The following MAF variants were observed in gnomAD, a reference collection of about 807,000 sequenced individuals.
The protein encoded by MAF is transcription factor Maf.
In MAF, 10 loss-of-function variants were observed where a neutral mutation model predicts 22.0. That is an observed-to-expected ratio of 0.45 (90% CI 0.28 to 0.77). The LOEUF is 0.77. Ranked by LOEUF, MAF falls within the 30% of genes least tolerant of loss-of-function variation. The probability of loss-of-function intolerance (pLI) is 0.12; values close to 1 mark genes in which losing one functional copy is unlikely to be tolerated. For synonymous variants in MAF, 337 were observed against 255.8 expected (o/e 1.32, Z -3.03); for missense variants, 544 against 548.4 (o/e 0.99, Z 0.08).
At chr16:79,236,042 G>T in the MAF span, among the ~76,000 whole-genome samples, 3 of 152,002 alleles carry the variant, frequency 2.0e-5, no homozygotes, top group African/African-American at 7.2e-5. Context: ...TCAGCCAGAG[G>T]CTGAAACCCT....
the MAF span, among the ~76,000 whole-genome samples, chr16:79,345,782 A>G: frequency 2.7e-5 from 4 of 147,706 alleles, no homozygotes; most frequent in Non-Finnish European, 6.0e-5. Flanking sequence ...TAATGTCTCT[A>G]TAGTATTCCA....
chr16:79,376,064 C>T, the MAF span, among the ~76,000 whole-genome samples: 2 of 151,402 alleles, frequency 1.3e-5, no homozygotes, highest in African/African-American at 4.9e-5. Context: ...ATTGACATTG[C>T]CTGGGAGAAC....
At chr16:79,437,447 G>A in the MAF span, among the ~76,000 whole-genome samples, 655 of 152,200 alleles carry the variant, frequency 4.3e-3, 2 homozygotes, top group Non-Finnish European at 3.9e-3. Flanking sequence ...TGCTTGAAAT[G>A]CTTCAAGAAT....
the MAF span, among the ~76,000 whole-genome samples, chr16:79,461,525 C>T: frequency 1.3e-5 from 2 of 152,144 alleles, no homozygotes; most frequent in Non-Finnish European, 2.9e-5. Context: ...GCCAAAAAGG[C>T]TCTTTGTCAT....
the MAF span, among the ~76,000 whole-genome samples, chr16:79,356,529 T>C: frequency 6.6e-6 from 1 of 152,212 alleles, no homozygotes; most frequent in Non-Finnish European, 1.5e-5. Flanking sequence ...CTCACATTTC[T>C]GCAGCCTGGA....
At chr16:79,538,120 A>G in the MAF span, among the ~76,000 whole-genome samples, 19,532 of 152,244 alleles carry the variant, frequency 0.13, 1,350 homozygotes, top group South Asian at 0.18. Context: ...TTCAAAAACA[A>G]TTTTGAAAAA....
chr16:79,207,508 A>G, the MAF span, among the ~76,000 whole-genome samples: 1 of 152,230 alleles, frequency 6.6e-6, no homozygotes, highest in African/African-American at 2.4e-5. Flanking sequence ...GCATAAGTGG[A>G]TTAATTCAGC....
At chr16:79,220,524 G>A in the MAF span, among the ~76,000 whole-genome samples, 2 of 152,006 alleles carry the variant, frequency 1.3e-5, no homozygotes, top group East Asian at 1.9e-4. Context: ...TTATGATCCT[G>A]TATCTAGCGA....
At chr16:79,254,070 A>C in the MAF span, among the ~76,000 whole-genome samples, 1 of 149,306 alleles carries the variant, frequency 6.7e-6, no homozygotes, top group Non-Finnish European at 1.5e-5. Flanking sequence ...TATTTTTCTT[A>C]TTGTTTAAAA....
the MAF span, among the ~76,000 whole-genome samples, chr16:79,385,932 A>C: frequency 2.0e-5 from 3 of 152,176 alleles, no homozygotes; most frequent in Non-Finnish European, 2.9e-5. Flanking sequence ...ACAAAATAAA[A>C]CAAAAAAAAC....
chr16:79,304,474 G>A, the MAF span, among the ~76,000 whole-genome samples: 1 of 152,046 alleles, frequency 6.6e-6, no homozygotes, highest in Admixed American at 6.6e-5. Flanking sequence ...TCTTTTGATG[G>A]TTTGTTTTAC....
the MAF span, among the ~76,000 whole-genome samples, chr16:79,561,461 C>G: frequency 1.5e-5 from 2 of 135,718 alleles, no homozygotes; most frequent in Non-Finnish European, 3.1e-5. Flanking sequence ...TGCTATCCCT[C>G]CCCCCTCCCC....
chr16:79,430,706 G>T, the MAF span, among the ~76,000 whole-genome samples: 1 of 152,336 alleles, frequency 6.6e-6, no homozygotes, highest in African/African-American at 2.4e-5. Context: ...TAGGCCTGCA[G>T]CTGGTGCTGA....
At chr16:79,416,543 A>T in the MAF span, among the ~76,000 whole-genome samples, 1 of 151,920 alleles carries the variant, frequency 6.6e-6, no homozygotes, top group African/African-American at 2.4e-5. Context: ...CTTTCATAGA[A>T]TTGAATATTT....
chr16:79,309,080 G>A, the MAF span, among the ~76,000 whole-genome samples: 2 of 152,170 alleles, frequency 1.3e-5, no homozygotes, highest in Non-Finnish European at 2.9e-5. Context: ...AGAGAGAGGT[G>A]GGAGGTGGAA....
the MAF span, among the ~76,000 whole-genome samples, chr16:79,282,297 C>G: frequency 6.6e-6 from 1 of 152,094 alleles, no homozygotes; most frequent in East Asian, 1.9e-4. Flanking sequence ...GGAAGCCACC[C>G]CAAGTTCCCT....
the MAF span, among the ~76,000 whole-genome samples, chr16:79,220,231 G>A: frequency 7.0e-5 from 9 of 128,424 alleles, no homozygotes; most frequent in Non-Finnish European, 1.1e-4. Flanking sequence ...ACTCCAGCCT[G>A]GGCAACAGAG....
At chr16:79,406,533 C>A in the MAF span, among the ~76,000 whole-genome samples, 2 of 152,128 alleles carry the variant, frequency 1.3e-5, no homozygotes, top group East Asian at 3.9e-4. Flanking sequence ...GAAGGAGCGA[C>A]CTCCCCAGGG....
the MAF span, among the ~76,000 whole-genome samples, chr16:79,336,643 G>A: frequency 7.6e-4 from 116 of 152,104 alleles, no homozygotes; most frequent in African/African-American, 2.6e-3. Flanking sequence ...GACAACACAG[G>A]AAGGTTAAAT....
Sources: allele counts gnomAD v4.1 joint callset (sites outside exome capture counted in the v4.1 genomes callset), GRCh38; gene constraint gnomAD v4.1.1; transcripts MANE v1.5; gene names NCBI Gene and HGNC (gene_info 2026-07-23, HGNC 2026-07-21).